KBTBD11: variants seen among roughly 807,000 people sequenced by gnomAD.
The protein encoded by KBTBD11 is kelch repeat and BTB domain containing 11.
For synonymous variants in KBTBD11, 747 were observed against 499.0 expected (o/e 1.50, Z -6.63); for missense variants, 1,390 against 1,001.8 (o/e 1.39, Z -5.23).
At chr8:1,980,411 C>G (rs9657385) in intron 1 of KBTBD11, among the ~76,000 whole-genome samples, 113,527 of 151,886 alleles carry the variant, frequency 0.75, 42,609 homozygotes, top group South Asian at 0.85. Context: ...ATTTTTAGTA[C>G]AGATGGGGTT....
chr8:1,980,153 G>T lies in KBTBD11; in HGVS notation c.-909+6218G>T, dbSNP rs183474305. Among the ~76,000 whole-genome samples the T allele has an allele frequency of 4.5e-4, 68 of 151,586 alleles. 1 individual carries two copies. The East Asian group carries it at 0.011, about 23-fold the overall frequency. ...ATTAGATGGGATTTGATATTTTGAGGACAAATATTGAGATAAGAAGATAGA... is the reference window on the plus strand; with the variant it reads ...ATTAGATGGGATTTGATATTTTGAGTACAAATATTGAGATAAGAAGATAGA... On this transcript the variant is annotated intron_variant, in intron 1 of 1. Coordinates refer to ENST00000320248, the MANE Select transcript of KBTBD11 (RefSeq NM_014867.3).
In KBTBD11 at chr8:2,003,198, C is replaced by T. The variant is rs1042660488; in HGVS notation, c.*134C>T. On this transcript the variant is annotated 3_prime_UTR_variant, in exon 2 of 2. Coordinates refer to ENST00000320248, the MANE Select transcript of KBTBD11 (RefSeq NM_014867.3). ...GTGGTTTGGACACTTCGAAGGAGCC[C>T]CGAGGACGCTCTCAGGGCCGCTTTC... The T allele has an allele frequency of 3.4e-5, 42 of 1,222,240 alleles. No homozygotes were observed. The highest frequency in any genetic ancestry group is 4.1e-5 in the Non-Finnish European group (40 of 967,362). The allele number at this position is 1,222,240 out of a possible 1,614,324, so 75.7% of individuals were successfully genotyped here. A position where few individuals can be genotyped will look rare whatever the true frequency, so the allele number is the denominator to read the frequency against.
rs1258767602 is a variant in KBTBD11, at chr8:2,001,031, C to T, written c.-162C>T. On this transcript the variant is annotated 5_prime_UTR_variant, in exon 2 of 2. Transcript: ENST00000320248. ...GGGGAGCAGCGTGTGAGATTCCCCC[C>T]TTCACACACACAACAACAAAGCGTG... The T allele has an allele frequency of 1.0e-6, 1 of 984,164 alleles. No individual in the cohort carries two copies. Among genetic ancestry groups the T allele is most frequent in the Admixed American group, 4.8e-5 (1 of 20,896 alleles). The allele number at this position is 984,164 out of a possible 1,614,324, so 61.0% of individuals were successfully genotyped here. A position where few individuals can be genotyped will look rare whatever the true frequency, so the allele number is the denominator to read the frequency against.
chr8:1,993,065 G>A (rs760666021), intron 1 of KBTBD11, among the ~76,000 whole-genome samples: 7 of 151,914 alleles, frequency 4.6e-5, no homozygotes, highest in Middle Eastern at 6.3e-3. Flanking sequence ...CCAGCTTCCC[G>A]CGTAGCTAGG....
At chr8:1,988,914 A>G (rs1446448960) in intron 1 of KBTBD11, among the ~76,000 whole-genome samples, 1 of 152,240 alleles carries the variant, frequency 6.6e-6, no homozygotes, top group Non-Finnish European at 1.5e-5. Flanking sequence ...GACAGTTGTG[A>G]GCAATTGTAG....
intron 1 of KBTBD11, chr8:1,974,538 G>A: frequency 3.0e-6 from 3 of 985,168 alleles, no homozygotes; most frequent in Non-Finnish European, 3.6e-6. Context: ...TTGGTCCTCC[G>A]CCGCTGCGCC....
intron 1 of KBTBD11, among the ~76,000 whole-genome samples, chr8:1,978,365 A>C (rs1233594265): frequency 6.6e-6 from 1 of 152,260 alleles, no homozygotes; most frequent in African/African-American, 2.4e-5. Flanking sequence ...CTTGAAGGCC[A>C]AGGGCTGGAA....
chr8:1,994,774 A>AT (rs989125814), intron 1 of KBTBD11, among the ~76,000 whole-genome samples: 1 of 152,102 alleles, frequency 6.6e-6, no homozygotes, highest in Non-Finnish European at 1.5e-5. Context: ...ACAAGCTAAA[A>AT]GAGGCCAGGC....
At position 1,995,745 on chromosome 8, in the gene KBTBD11, C is replaced by T. The variant is rs145679075; in HGVS notation, c.-908-4540C>T. 4.8e-3 allele frequency among the ~76,000 whole-genome samples: 727 copies of T among 152,212 alleles called. 11 individuals are homozygous for T. Among genetic ancestry groups the T allele is most frequent in the East Asian group, 0.016 (85 of 5,158 alleles). On this transcript the variant is annotated intron_variant, in intron 1 of 1. Transcript: ENST00000320248. ...CATTGAATCAAAGAGAAATCCTGAC[C>T]GGGCATGGTGGCTCACACCTGTAAT...
At position 2,002,690 on chromosome 8, in the gene KBTBD11, G is replaced by C. The variant is rs1817433874; in HGVS notation, c.1498G>C (p.Gly500Arg). Residue 500 changes from glycine (G) to arginine (R), a missense_variant, in exon 2 of 2, where the codon GGC (glycine) becomes CGC (arginine). Physicochemically the swap from Gly to Arg is moderately radical, Grantham distance 125 (BLOSUM62 -2). Coordinates refer to ENST00000320248, the MANE Select transcript of KBTBD11 (RefSeq NM_014867.3). The surrounding 1 kb of genome is among the most constrained non-coding windows in gnomAD (Gnocchi z 4.1). ...ERSADMVALDGFIYRFDLSGS... is the reference protein window; with the variant it reads ...ERSADMVALDRFIYRFDLSGS... ...CTCGGCCGACATGGTGGCTCTCGAC[G>C]GCTTCATCTACCGCTTCGATCTGAG... 1.2e-5 allele frequency: 19 copies of C among 1,557,572 alleles called. No individual in the cohort carries two copies. The highest frequency in any genetic ancestry group is 1.7e-4 in the Middle Eastern group (1 of 5,818).
chr8:1,985,828 A>C (rs1027473601), intron 1 of KBTBD11, among the ~76,000 whole-genome samples: 2 of 152,224 alleles, frequency 1.3e-5, no homozygotes, highest in South Asian at 2.1e-4. Flanking sequence ...TATGTTGACA[A>C]TCTTCATCTA....
intron 1 of KBTBD11, among the ~76,000 whole-genome samples, chr8:1,983,178 C>A (rs1279538647): frequency 1.3e-5 from 2 of 152,232 alleles, no homozygotes; most frequent in African/African-American, 2.4e-5. Flanking sequence ...AAAGCAGAGC[C>A]ACACCTAGAA....
intron 1 of KBTBD11, among the ~76,000 whole-genome samples, chr8:1,980,786 TGAGAGAGTGC>T (rs928315336): frequency 2.0e-4 from 31 of 152,204 alleles, no homozygotes; most frequent in African/African-American, 7.2e-4. Flanking sequence ...CTGTCTTTTC[TGAGAGAGTGC>T]CAGCGAGAGC....
At chr8:1,993,922 T>TACACACACACACACACACACACAC (rs57317862) in intron 1 of KBTBD11, among the ~76,000 whole-genome samples, 32 of 139,768 alleles carry the variant, frequency 2.3e-4, no homozygotes, top group South Asian at 2.0e-3. Context: ...CAATACCCCC[T>TACACACACACACACACACACACAC]ACACACACAC....
chr8:1,974,255 G>T (rs1484164147), intron 1 of KBTBD11: 7 of 971,844 alleles, frequency 7.2e-6, no homozygotes, highest in African/African-American at 3.5e-5. Context: ...CTCCTCGCGG[G>T]GTCTCCACAG....
chr8:2,001,623 T>TGGAGGTGTCGGGGCGCC lies in KBTBD11; in HGVS notation c.434_450dup (p.Leu151ArgfsTer35). 1.4e-6 allele frequency: 2 copies of TGGAGGTGTCGGGGCGCC among 1,479,900 alleles called. No homozygotes were observed. Among genetic ancestry groups the TGGAGGTGTCGGGGCGCC allele is most frequent in the Non-Finnish European group, 1.8e-6 (2 of 1,120,890 alleles). 91.7% of individuals were successfully genotyped at this position (1,479,900 alleles called of 1,614,324 possible). A position where few individuals can be genotyped will look rare whatever the true frequency, so the allele number is the denominator to read the frequency against. Reference sequence around the variant, plus strand: ...GTGTACGGGGAGCCGGACCTGGTGCTGGAGGTGTCGGGGCGCCGGCTGCGC... The same window carrying TGGAGGTGTCGGGGCGCC: ...GTGTACGGGGAGCCGGACCTGGTGCTGGAGGTGTCGGGGCGCCGGAGGTGTCGGGGCGCCGGCTGCGC... On this transcript the variant is annotated frameshift_variant, in exon 2 of 2. Coordinates refer to ENST00000320248, the MANE Select transcript of KBTBD11 (RefSeq NM_014867.3). LOFTEE classifies it low-confidence loss of function (END_TRUNC).
chr8:1,998,757 A>G (rs972458990), intron 1 of KBTBD11, among the ~76,000 whole-genome samples: 37 of 152,064 alleles, frequency 2.4e-4, no homozygotes, highest in African/African-American at 8.0e-4. Flanking sequence ...TCTGATAGAG[A>G]AGTTTGTCTT....
At position 2,002,365 on chromosome 8, in the gene KBTBD11, C is replaced by T; in HGVS notation, c.1173C>T (p.Ser391=). Residue 391 remains serine (S), a synonymous_variant, in exon 2 of 2, where the codon AGC becomes AGT. Coordinates refer to ENST00000320248, the MANE Select transcript of KBTBD11 (RefSeq NM_014867.3). This position sits in a 1 kb window ranked among gnomAD's most constrained non-coding sequence, Gnocchi z 4.1. ...QVFCYNPATD[S]WSAVRPLRQA... ...TCTGCTACAACCCGGCCACGGACAGCTGGAGCGCCGTGAGGCCCCTGCGCC... is the reference window on the plus strand; with the variant it reads ...TCTGCTACAACCCGGCCACGGACAGTTGGAGCGCCGTGAGGCCCCTGCGCC... 2 of 1,475,614 alleles carry T rather than the reference C, an allele frequency of 1.4e-6. No individual in the cohort carries two copies. The highest frequency in any genetic ancestry group is 1.5e-5 in the African/African-American group (1 of 68,154). The allele number at this position is 1,475,614 out of a possible 1,614,324, so 91.4% of individuals were successfully genotyped here. A position where few individuals can be genotyped will look rare whatever the true frequency, so the allele number is the denominator to read the frequency against.
chr8:1,992,104 G>A (rs184285329), intron 1 of KBTBD11, among the ~76,000 whole-genome samples: 98 of 152,118 alleles, frequency 6.4e-4, no homozygotes, highest in Non-Finnish European at 6.6e-4. Context: ...CCCAGGACAC[G>A]CACTCCTGGA....
Sources: allele counts gnomAD v4.1 joint callset (sites outside exome capture counted in the v4.1 genomes callset), GRCh38; gene constraint gnomAD v4.1.1; non-coding constraint Gnocchi (gnomAD v3.1); transcripts MANE v1.5; gene names NCBI Gene and HGNC (gene_info 2026-07-23, HGNC 2026-07-21).